The following FCHSD1 variants were observed in gnomAD, a reference collection of about 807,000 sequenced individuals.
FCHSD1 encodes FCH and double SH3 domains 1.
A neutral mutation model predicts 101.3 loss-of-function variants in FCHSD1; 109 were observed. That is an observed-to-expected ratio of 1.08 (90% CI 0.92 to 1.26). The LOEUF is 1.26. Ranked by LOEUF, FCHSD1 falls within the 50% of genes most tolerant of loss-of-function variation. The pLI is 0.00. For missense variants in FCHSD1, 820 were observed against 895.8 expected, an observed-to-expected ratio of 0.92 and a Z score of 1.08; for synonymous variants, 291 against 356.8, an observed-to-expected ratio of 0.82 and a Z score of 2.08.
chr5:141,640,016 C>T lies in FCHSD1; in HGVS notation c.*1482G>A. The T allele has an allele frequency of 6.2e-7, 1 of 1,613,552 alleles. No individual in the cohort carries two copies. ...GCTGGGGCTCTGGTGGGGGACAGGA[C>T]CCAGGGGGTGGTCAGGGGTCTGGGG... On this transcript the variant is annotated 3_prime_UTR_variant, in exon 20 of 20. Transcript: ENST00000435817.
intron 2 of FCHSD1, among the ~76,000 whole-genome samples, chr5:141,650,681 G>T (rs768950230): frequency 9.9e-5 from 15 of 152,080 alleles, no homozygotes; most frequent in Non-Finnish European, 1.9e-4. Flanking sequence ...AAGACTGATG[G>T]GGGCCTGGGT....
rs138592206 is a variant in FCHSD1, at chr5:141,645,274, C to T, written c.1312-126G>A. On this transcript the variant is annotated intron_variant, in intron 13 of 19. Coordinates refer to ENST00000435817, the MANE Select transcript of FCHSD1 (RefSeq NM_033449.3). ...CAAGGCAGGTGCACCCATCCACTCACCATGTACACAACCACAGTCACCACA... is the reference window on the plus strand; with the variant it reads ...CAAGGCAGGTGCACCCATCCACTCATCATGTACACAACCACAGTCACCACA... The T allele has an allele frequency of 7.6e-3, 10,136 of 1,334,438 alleles. 47 individuals carry two copies. The highest frequency in any genetic ancestry group is 9.4e-3 in the Non-Finnish European group (9,212 of 984,936). The allele number at this position is 1,334,438 out of a possible 1,614,324, so 82.7% of individuals were successfully genotyped here.
Position 141,649,081 on chromosome 5 carries a change from C to A in FCHSD1, c.513-61G>T. Reference sequence around the variant, plus strand: ...AAGTGGGAGAATATGAGATCAGAGTCAGGCCCAGCTTTGGTGACTTGGCTC... The same window carrying A: ...AAGTGGGAGAATATGAGATCAGAGTAAGGCCCAGCTTTGGTGACTTGGCTC... On this transcript the variant is annotated intron_variant, in intron 6 of 19. Transcript: ENST00000435817. The surrounding 1 kb of genome is among the most constrained non-coding windows in gnomAD (Gnocchi z 4.1). The A allele has an allele frequency of 6.2e-7, 1 of 1,613,902 alleles. No individual in the cohort carries two copies. The highest frequency in any genetic ancestry group is 2.2e-5 in the East Asian group (1 of 44,878).
In FCHSD1 at chr5:141,644,260, C is replaced by G. The variant is rs1200010102; in HGVS notation, c.1821G>C (p.Leu607=). The G allele has an allele frequency of 3.7e-6, 6 of 1,613,306 alleles. No homozygotes were observed. The highest frequency in any genetic ancestry group is 1.7e-4 in the Middle Eastern group (1 of 6,054). The change falls in exon 17 of 20, where the codon CTG becomes CTC. Residue 607 remains leucine (L), a synonymous_variant. Transcript: ENST00000435817. ...GTTCAGGTGGCCCTGGGGGGCCAAG[C>G]AGCTCTTCCACCAGCAGGGAGGGGA... ...GVFPSLLVEE[L]LGPPGPPELS...
Position 141,646,096 on chromosome 5 carries a change from G to A in FCHSD1, c.1140C>T (p.Arg380=). 1 of 1,610,140 alleles carries A rather than the reference G, an allele frequency of 6.2e-7. No individual in the cohort carries two copies. Among genetic ancestry groups the A allele is most frequent in the African/African-American group, 1.3e-5 (1 of 74,976 alleles). The change falls in exon 12 of 20, where the codon CGC becomes CGT. Residue 380 remains arginine (R), a synonymous_variant. Transcript: ENST00000435817. The stretch of plus-strand genomic sequence containing the variant: ...CAGGGGTGTGCCTCACCTGTGCCCG[G>A]CGGATGCTCTCTCGCACTTCCTGTA... ...QRLQEVRESI[R]RAQVSQVKGA... is the part of the protein sequence containing the mutation.
chr5:141,640,121 C>A lies in FCHSD1; in HGVS notation c.*1377G>T, dbSNP rs1246446522. On this transcript the variant is annotated 3_prime_UTR_variant, in exon 20 of 20. Coordinates refer to ENST00000435817, the MANE Select transcript of FCHSD1 (RefSeq NM_033449.3). ...CACAGCCCCAGGTCCTAGCCAGCCC[C>A]CCAGTACAGAATGGAGGACTCAGGG... 6.2e-7 allele frequency: 1 copy of A among 1,614,012 alleles called. No homozygotes were observed.
In FCHSD1 at chr5:141,641,257, A is replaced by C; in HGVS notation, c.*241T>G. On this transcript the variant is annotated 3_prime_UTR_variant, in exon 20 of 20. Transcript: ENST00000435817. ...GAGATTTCAGGCATTTCACCACCCTAGATAGGGTCATGACAGAAGAGAAGG... is the reference window on the plus strand; with the variant it reads ...GAGATTTCAGGCATTTCACCACCCTCGATAGGGTCATGACAGAAGAGAAGG... 1 of 423,822 alleles carries C rather than the reference A, an allele frequency of 2.4e-6. No homozygotes were observed. The highest frequency in any genetic ancestry group is 4.1e-6 in the Non-Finnish European group (1 of 241,178). 26.3% of individuals were successfully genotyped at this position (423,822 alleles called of 1,614,324 possible).
chr5:141,649,635 T>C lies in FCHSD1; in HGVS notation c.234-99A>G. ...CTGACCAACACCATGGGAGACAGAG[T>C]GCTTTCCCATCCTCCCTTGTCTGGG... On this transcript the variant is annotated intron_variant, in intron 4 of 19. Transcript: ENST00000435817. This position sits in a 1 kb window ranked among gnomAD's most constrained non-coding sequence, Gnocchi z 4.1. The C allele has an allele frequency of 9.7e-6, 14 of 1,442,364 alleles. No homozygotes were observed. Among genetic ancestry groups the C allele is most frequent in the Non-Finnish European group, 1.3e-5 (14 of 1,084,354 alleles). 89.3% of individuals were successfully genotyped at this position (1,442,364 alleles called of 1,614,324 possible).
intron 11 of FCHSD1, 148 bp from the exon 12 acceptor site, chr5:141,646,339 G>T: frequency 2.1e-6 from 2 of 953,308 alleles, no homozygotes; most frequent in Non-Finnish European, 3.2e-6. Flanking sequence ...CTACTTTAGT[G>T]ATGAGGAAAT....
In FCHSD1 at chr5:141,651,406, A is replaced by G. The variant is rs1262627643; in HGVS notation, c.-38T>C. 5.8e-6 allele frequency: 9 copies of G among 1,550,400 alleles called. No individual in the cohort carries two copies. The highest frequency in any genetic ancestry group is 1.2e-5 in the South Asian group (1 of 84,002). On this transcript the variant is annotated 5_prime_UTR_variant, in exon 1 of 20. Coordinates refer to ENST00000435817, the MANE Select transcript of FCHSD1 (RefSeq NM_033449.3). ...AAGGCGGTCAGCCACTGGACTCCGG[A>G]ACTGGAGGAAGCCCCGCCCACTATG...
At chr5:141,650,952 T>A in intron 2 of FCHSD1, 68 bp downstream of exon 2, 1 of 1,385,210 alleles carries the variant, frequency 7.2e-7, no homozygotes, top group Admixed American at 2.0e-5. Flanking sequence ...CCCCAGCACA[T>A]GTATATTGGG....
intron 7 of FCHSD1, 118 bp downstream of exon 7, chr5:141,648,839 G>T: frequency 8.5e-7 from 1 of 1,176,736 alleles, no homozygotes; most frequent in Non-Finnish European, 1.3e-6. Flanking sequence ...TACCCACCCA[G>T]GAAGTAGGAG....
intron 18 of FCHSD1, chr5:141,642,633 C>T (rs1198155734): frequency 1.3e-5 from 7 of 538,534 alleles, no homozygotes; most frequent in Non-Finnish European, 2.3e-5. Flanking sequence ...GGGAGGACAC[C>T]GTGAGAGAAG....
intron 16 of FCHSD1, 48 bp from the exon 17 acceptor site, chr5:141,644,486 C>A (rs754723278): frequency 4.4e-6 from 7 of 1,608,044 alleles, no homozygotes; most frequent in Non-Finnish European, 5.1e-6. Context: ...GTAGCAGTGC[C>A]CCAGGACCAT....
intron 7 of FCHSD1, among the ~76,000 whole-genome samples, chr5:141,648,676 T>C (rs749653270): frequency 2.0e-4 from 30 of 152,236 alleles, no homozygotes; most frequent in Non-Finnish European, 3.1e-4. Flanking sequence ...ACTCCATTGG[T>C]AGTGTTCTCC....
chr5:141,650,495 G>A, intron 2 of FCHSD1, 91 bp from the exon 3 acceptor site: 2 of 1,527,328 alleles, frequency 1.3e-6, no homozygotes, highest in South Asian at 2.2e-5. Flanking sequence ...TGGGCAGGAG[G>A]GAGCGGTTGG....
At chr5:141,644,131 A>C in intron 17 of FCHSD1, 87 bp downstream of exon 17, 4 of 1,239,660 alleles carry the variant, frequency 3.2e-6, no homozygotes, top group Non-Finnish European at 4.5e-6. Context: ...GGAGCAGAGG[A>C]GGCATTAAGA....
At position 141,639,847 on chromosome 5, in the gene FCHSD1, T is replaced by C; in HGVS notation, c.*1651A>G. On this transcript the variant is annotated 3_prime_UTR_variant, in exon 20 of 20. Coordinates refer to ENST00000435817, the MANE Select transcript of FCHSD1 (RefSeq NM_033449.3). The surrounding 1 kb of genome is among the most constrained non-coding windows in gnomAD (Gnocchi z 4.4). ...GGAAGTAGCCACCAAACTCAGGATGTCCCTGGTCAGAGGGGAGGGCCAAGC... is the reference window on the plus strand; with the variant it reads ...GGAAGTAGCCACCAAACTCAGGATGCCCCTGGTCAGAGGGGAGGGCCAAGC... The C allele has an allele frequency of 6.6e-7, 1 of 1,520,696 alleles. No individual in the cohort carries two copies. The highest frequency in any genetic ancestry group is 9.1e-7 in the Non-Finnish European group (1 of 1,100,092). The allele number at this position is 1,520,696 out of a possible 1,614,324, so 94.2% of individuals were successfully genotyped here.
At position 141,651,418 on chromosome 5, in the gene FCHSD1, C is replaced by T. The variant is rs1191573814; in HGVS notation, c.-50G>A. On this transcript the variant is annotated 5_prime_UTR_variant, in exon 1 of 20. Transcript: ENST00000435817. Reference sequence around the variant, plus strand: ...CACTGGACTCCGGAACTGGAGGAAGCCCCGCCCACTATGGAGCCCCGCCCC... The same window carrying T: ...CACTGGACTCCGGAACTGGAGGAAGTCCCGCCCACTATGGAGCCCCGCCCC... The T allele has an allele frequency of 6.5e-7, 1 of 1,548,736 alleles. No homozygotes were observed. The highest frequency in any genetic ancestry group is 8.7e-7 in the Non-Finnish European group (1 of 1,146,046).
Sources: allele counts gnomAD v4.1 joint callset (sites outside exome capture counted in the v4.1 genomes callset), GRCh38; gene constraint gnomAD v4.1.1; non-coding constraint Gnocchi (gnomAD v3.1); transcripts MANE v1.5; gene names NCBI Gene and HGNC (gene_info 2026-07-23, HGNC 2026-07-21).